ZNF160: variants seen among roughly 807,000 people sequenced by gnomAD.
ZNF160 encodes KRAB zinc finger protein KR18.
ZNF160 carries 9 observed loss-of-function variants against 13.1 expected under a neutral mutation model. The ratio of observed to expected loss-of-function variants is 0.69; its 90% CI spans 0.41 to 1.20. The LOEUF is 1.20. Among genes scored for constraint, ZNF160 ranks in the 50% most tolerant of loss-of-function variants. ZNF160 has a pLI of 0.01. For synonymous variants in ZNF160, 293 were observed against 333.2 expected (o/e 0.88, Z 1.31); for missense variants, 838 against 988.0 (o/e 0.85, Z 2.04).
chr19:53,090,045 C>T (rs2084977121), intron 2 of ZNF160, among the ~76,000 whole-genome samples: 1 of 151,452 alleles, frequency 6.6e-6, no homozygotes. Context: ...TCCCCCTCTG[C>T]TCCCCCTATT....
chr19:53,091,068 CG>C (rs2085016545), intron 2 of ZNF160: 1 of 152,170 alleles, frequency 6.6e-6, no homozygotes, highest in Admixed American at 6.5e-5. Context: ...TCCGGAGTGA[CG>C]GCTCATGCCT....
chr19:53,069,022 A>G lies in ZNF160; in HGVS notation c.1512T>C (p.Thr504=), dbSNP rs2084064777. The G allele has an allele frequency of 6.2e-7, 1 of 1,614,114 alleles. No homozygotes were observed. The highest frequency in any genetic ancestry group is 8.5e-7 in the Non-Finnish European group (1 of 1,180,052). Residue 504 remains threonine (T), a synonymous_variant, in exon 6 of 6, where the codon ACT becomes ACC. Coordinates refer to ENST00000683776, the MANE Select transcript of ZNF160 (RefSeq NM_001322131.2). This position sits in a 1 kb window ranked among gnomAD's most constrained non-coding sequence, Gnocchi z 4.4. ...CATTACACTTGTAAGGTTTCTCTCC[A>G]GTATGAATTCTTCGATGATTTGCAA... The part of the protein sequence containing the change: ...SQLANHRRIH[T]GEKPYKCNEC...
At chr19:53,073,093 T>C in intron 5 of ZNF160, 2 of 1,014,904 alleles carry the variant, frequency 2.0e-6, no homozygotes, top group Non-Finnish European at 2.6e-6. Context: ...CATTTACTCC[T>C]AATGTTTTCA....
At chr19:53,081,088 T>C (rs145144783) in intron 3 of ZNF160, among the ~76,000 whole-genome samples, 291 of 152,298 alleles carry the variant, frequency 1.9e-3, no homozygotes, top group Admixed American at 3.5e-3. Flanking sequence ...GATTAAATAC[T>C]TAATATAAGA....
At chr19:53,095,075 C>T (rs1418477065) in intron 1 of ZNF160, among the ~76,000 whole-genome samples, 1 of 139,420 alleles carries the variant, frequency 7.2e-6, no homozygotes, top group Non-Finnish European at 1.6e-5. Flanking sequence ...GCCCCGCCCC[C>T]ACGGTAGTCC....
chr19:53,095,341 C>CCGCTT (rs2085192290), intron 1 of ZNF160: 1 of 151,580 alleles, frequency 6.6e-6, no homozygotes, highest in South Asian at 2.1e-4. Context: ...CTCCCAGAAT[C>CCGCTT]CGCTTCCAGT....
At chr19:53,098,937 T>A (rs899284735) in intron 1 of ZNF160, among the ~76,000 whole-genome samples, 1 of 150,038 alleles carries the variant, frequency 6.7e-6, no homozygotes, top group Admixed American at 6.6e-5. Flanking sequence ...CCACAGGAAG[T>A]TTAGACCAAT....
At chr19:53,078,680 G>C in intron 3 of ZNF160, among the ~76,000 whole-genome samples, 1 of 151,946 alleles carries the variant, frequency 6.6e-6, no homozygotes, top group East Asian at 1.9e-4. Flanking sequence ...ACCATCATGT[G>C]GTCAACTCCA....
At chr19:53,099,490 C>G (rs1309957993) in intron 1 of ZNF160, among the ~76,000 whole-genome samples, 1 of 152,140 alleles carries the variant, frequency 6.6e-6, no homozygotes, top group South Asian at 2.1e-4. Flanking sequence ...CTGGGGAACA[C>G]GGGAAGCCGG....
At chr19:53,089,377 C>T (rs887005165) in intron 2 of ZNF160, among the ~76,000 whole-genome samples, 1 of 152,182 alleles carries the variant, frequency 6.6e-6, no homozygotes, top group Non-Finnish European at 1.5e-5. Context: ...TTCACTATTA[C>T]ATTGACTGTA....
intron 4 of ZNF160, among the ~76,000 whole-genome samples, chr19:53,074,653 G>A (rs2084313848): frequency 7.1e-6 from 1 of 140,470 alleles, no homozygotes; most frequent in Non-Finnish European, 1.5e-5. Flanking sequence ...CCGGGCGACA[G>A]AGCGAGACTC....
intron 1 of ZNF160, among the ~76,000 whole-genome samples, chr19:53,099,615 C>T (rs906911491): frequency 1.3e-5 from 2 of 152,210 alleles, no homozygotes; most frequent in Non-Finnish European, 2.9e-5. Flanking sequence ...CCCCAGCTTC[C>T]ATCCTTGTGG....
intron 3 of ZNF160, chr19:53,085,113 A>G (rs946571975): frequency 1.1e-6 from 1 of 950,750 alleles, no homozygotes; most frequent in South Asian, 4.9e-5. Context: ...GCCACCATGC[A>G]GCACCCTGTG....
chr19:53,088,403 C>T (rs538510155), intron 2 of ZNF160, among the ~76,000 whole-genome samples: 5 of 151,680 alleles, frequency 3.3e-5, no homozygotes, highest in East Asian at 2.0e-4. Flanking sequence ...TGGCCGCACA[C>T]GGCTCACGCT....
In ZNF160 at chr19:53,068,011, G is replaced by T; in HGVS notation, c.*66C>A. The T allele has an allele frequency of 1.3e-6, 2 of 1,528,840 alleles. No homozygotes were observed. The highest frequency in any genetic ancestry group is 1.8e-6 in the Non-Finnish European group (2 of 1,138,044). 94.7% of individuals were successfully genotyped at this position (1,528,840 alleles called of 1,614,324 possible). On this transcript the variant is annotated 3_prime_UTR_variant, in exon 6 of 6. Transcript: ENST00000683776. ...TGGCCACTGTCACTACATTTGTAAG[G>T]ATTCTGTCAAGAATGAAATTAACTG... is the stretch of plus-strand genomic sequence containing the variant.
chr19:53,092,311 G>T (rs904050458), intron 1 of ZNF160, among the ~76,000 whole-genome samples: 2 of 151,870 alleles, frequency 1.3e-5, no homozygotes, highest in African/African-American at 4.8e-5. Context: ...ATTTGATAGG[G>T]TATTTTTTTT....
chr19:53,076,162 CTT>C (rs1435068336), intron 3 of ZNF160, among the ~76,000 whole-genome samples: 1 of 152,170 alleles, frequency 6.6e-6, no homozygotes. Context: ...TCTTATTATT[CTT>C]TTACCTAAGA....
chr19:53,069,537 G>C lies in ZNF160; in HGVS notation c.997C>G (p.Arg333Gly). ...TAAGGTTTCTCTCCAGTATGAATTC[G>C]CCGATGAGTTGCAAGGTATGAATTG... ...RHNSYLATHR[R>G]IHTGEKPYKC... Residue 333 changes from arginine to glycine, a missense_variant, in exon 6 of 6, where the codon CGA becomes GGA. By Grantham distance (125) the Arg-to-Gly change is moderately radical. Transcript: ENST00000683776. The surrounding 1 kb of genome is among the most constrained non-coding windows in gnomAD (Gnocchi z 4.4). The C allele has an allele frequency of 1.2e-6, 2 of 1,613,864 alleles. No homozygotes were observed. The highest frequency in any genetic ancestry group is 1.7e-6 in the Non-Finnish European group (2 of 1,179,988).
chr19:53,069,722 T>C lies in ZNF160; in HGVS notation c.812A>G (p.Asn271Ser). 6.2e-7 allele frequency: 1 copy of C among 1,614,206 alleles called. No individual in the cohort carries two copies. The highest frequency in any genetic ancestry group is 8.5e-7 in the Non-Finnish European group (1 of 1,180,030). ...ATGAATTCTCCTATGACTTGTAAGGTTCGAATTCTGAGTGAACGCCTTGCC... is the reference window on the plus strand; with the variant it reads ...ATGAATTCTCCTATGACTTGTAAGGCTCGAATTCTGAGTGAACGCCTTGCC... ...ECGKAFTQNSNLTSHRRIHSG... is the reference protein window; with the variant it reads ...ECGKAFTQNSSLTSHRRIHSG... The change falls in exon 6 of 6, where the codon AAC becomes AGC. Residue 271 changes from asparagine to serine, a missense_variant. Asn to Ser is a conservative substitution (Grantham distance 46). Coordinates refer to ENST00000683776, the MANE Select transcript of ZNF160 (RefSeq NM_001322131.2). This position sits in a 1 kb window ranked among gnomAD's most constrained non-coding sequence, Gnocchi z 4.4.
Sources: allele counts gnomAD v4.1 joint callset (sites outside exome capture counted in the v4.1 genomes callset), GRCh38; gene constraint gnomAD v4.1.1; non-coding constraint Gnocchi (gnomAD v3.1); transcripts MANE v1.5; gene names NCBI Gene and HGNC (gene_info 2026-07-23, HGNC 2026-07-21).